Variants in BTRC observed in about 807,000 individuals in gnomAD.
The protein encoded by BTRC is beta-transducin repeat containing E3 ubiquitin protein ligase, also known as F-box/WD repeat-containing protein 1A.
In BTRC, 42 loss-of-function variants were observed where a neutral mutation model predicts 85.5. The observed-to-expected ratio is 0.49, with a 90% CI of 0.38 to 0.64. BTRC has a LOEUF of 0.64. BTRC is among the 30% of genes least tolerant of loss of function. The probability of loss-of-function intolerance (pLI) is 0.00; values close to 1 mark genes in which losing one functional copy is unlikely to be tolerated. For missense variants in BTRC, 594 were observed against 743.5 expected, an observed-to-expected ratio of 0.80 and a Z score of 2.34; for synonymous variants, 255 against 263.3, an observed-to-expected ratio of 0.97 and a Z score of 0.30.
In BTRC at chr10:101,354,204, G is replaced by GCAAGAGAAGGCACT; in HGVS notation, c.29_42dup (p.Phe15ArgfsTer60). Reference sequence around the variant, plus strand: ...TTATGGACCCGGCCGAGGCGGTGCTGCAAGAGAAGGCACTCAAGTTTATGG... The same window carrying GCAAGAGAAGGCACT: ...TTATGGACCCGGCCGAGGCGGTGCTGCAAGAGAAGGCACTCAAGAGAAGGCACTCAAGTTTATGG... On this transcript the variant is annotated frameshift_variant, in exon 1 of 15. Coordinates refer to ENST00000370187, the MANE Select transcript of BTRC (RefSeq NM_033637.4). LOFTEE classifies it high-confidence loss of function. 6.5e-7 allele frequency: 1 copy of GCAAGAGAAGGCACT among 1,549,258 alleles called. No individual in the cohort carries two copies. The highest frequency in any genetic ancestry group is 8.7e-7 in the Non-Finnish European group (1 of 1,146,692).
At chr10:101,511,508 C>T (rs921964487) in intron 4 of BTRC, among the ~76,000 whole-genome samples, 5 of 151,932 alleles carry the variant, frequency 3.3e-5, no homozygotes, top group Admixed American at 2.6e-4. Context: ...ACCACATGTG[C>T]GCACCACCAT....
chr10:101,379,323 C>T (rs148252455), intron 1 of BTRC, among the ~76,000 whole-genome samples: 34 of 152,284 alleles, frequency 2.2e-4, no homozygotes, highest in African/African-American at 7.9e-4. Flanking sequence ...TATATGTGGT[C>T]ATGTTACAAA....
At position 101,535,476 on chromosome 10, in the gene BTRC, A is replaced by T. The variant is rs757612458; in HGVS notation, c.1466+4A>T. On this transcript the variant is annotated splice_donor_region_variant and intron_variant, in intron 11 of 14. Transcript: ENST00000370187. ...GCTCATCTGACAACACTATCAGGTGAGCAGCAAGTGCCTTGTATCATAAGG... is the reference window on the plus strand; with the variant it reads ...GCTCATCTGACAACACTATCAGGTGTGCAGCAAGTGCCTTGTATCATAAGG... 3 of 1,593,540 alleles carry T rather than the reference A, an allele frequency of 1.9e-6. No individual in the cohort carries two copies. The highest frequency in any genetic ancestry group is 1.7e-6 in the Non-Finnish European group (2 of 1,162,384).
chr10:101,396,829 G>GTTTTTATTTTT, intron 1 of BTRC, among the ~76,000 whole-genome samples: 1 of 148,816 alleles, frequency 6.7e-6, no homozygotes. Flanking sequence ...TTGAGACAGA[G>GTTTTTATTTTT]TCTCACTCTG....
intron 1 of BTRC, among the ~76,000 whole-genome samples, chr10:101,429,799 A>G (rs1944354307): frequency 6.6e-6 from 1 of 151,222 alleles, no homozygotes; most frequent in Non-Finnish European, 1.5e-5. Flanking sequence ...TACATAAAAC[A>G]TACGCAAACT....
intron 1 of BTRC, among the ~76,000 whole-genome samples, chr10:101,419,636 C>G (rs1944043665): frequency 6.6e-6 from 1 of 152,116 alleles, no homozygotes; most frequent in Non-Finnish European, 1.5e-5. Context: ...AGTCTGTTAG[C>G]AAGATGGAAG....
intron 3 of BTRC, among the ~76,000 whole-genome samples, chr10:101,470,585 C>T (rs1346561164): frequency 6.6e-6 from 1 of 152,146 alleles, no homozygotes; most frequent in African/African-American, 2.4e-5. Context: ...CCGCCTCAGC[C>T]TCCCAAAGTG....
intron 3 of BTRC, among the ~76,000 whole-genome samples, chr10:101,462,357 A>G (rs747569292): frequency 6.6e-6 from 1 of 152,192 alleles, no homozygotes; most frequent in African/African-American, 2.4e-5. Flanking sequence ...TGCTTTTTCT[A>G]GAAGAAAAGG....
At chr10:101,397,055 C>T (rs1415452674) in intron 1 of BTRC, among the ~76,000 whole-genome samples, 1 of 152,142 alleles carries the variant, frequency 6.6e-6, no homozygotes, top group Non-Finnish European at 1.5e-5. Context: ...CCACTCGCCT[C>T]GGCCTCCCAA....
At chr10:101,428,592 G>A (rs1006640756) in intron 1 of BTRC, among the ~76,000 whole-genome samples, 1 of 152,088 alleles carries the variant, frequency 6.6e-6, no homozygotes, top group African/African-American at 2.4e-5. Flanking sequence ...ATGGAGGCAG[G>A]AGGAAGAATT....
intron 1 of BTRC, among the ~76,000 whole-genome samples, chr10:101,369,391 C>T (rs763077864): frequency 6.6e-6 from 1 of 151,980 alleles, no homozygotes; most frequent in African/African-American, 2.4e-5. Flanking sequence ...TGCCAGGACT[C>T]CTTATTTATT....
In BTRC at chr10:101,389,115, GTGTGTTTTTTTTTTT is replaced by G. The variant is rs1413465660; in HGVS notation, c.48+34889_48+34903del. ...ATGTTGCATAATTGTGATTTTTTGTGTGTGTTTTTTTTTTTTTTTTTTTTTTTTTTTTTGCTGATC... is the reference window on the plus strand; with the variant it reads ...ATGTTGCATAATTGTGATTTTTTGTGTTTTTTTTTTTTTTTTTTGCTGATC... On this transcript the variant is annotated intron_variant, in intron 1 of 14. Transcript: ENST00000370187. Among the ~76,000 whole-genome samples, 280 of 35,470 alleles carry G rather than the reference GTGTGTTTTTTTTTTT, an allele frequency of 7.9e-3. 2 individuals are homozygous for G. Among genetic ancestry groups the G allele is most frequent in the African/African-American group, 0.031 (229 of 7,322 alleles). The allele number at this position is 35,470 out of a possible 152,430, so 23.3% of individuals were successfully genotyped here. A position where few individuals can be genotyped will look rare whatever the true frequency, so the allele number is the denominator to read the frequency against.
intron 2 of BTRC, among the ~76,000 whole-genome samples, chr10:101,453,094 A>G (rs962621404): frequency 6.6e-6 from 1 of 152,182 alleles, no homozygotes; most frequent in Non-Finnish European, 1.5e-5. Context: ...TAAAATAATA[A>G]TTTCTGTTTT....
At chr10:101,414,381 C>G (rs1041209522) in intron 1 of BTRC, among the ~76,000 whole-genome samples, 2 of 152,054 alleles carry the variant, frequency 1.3e-5, no homozygotes, top group Non-Finnish European at 2.9e-5. Flanking sequence ...TGTGTTGATA[C>G]TGGTGTAAAT....
chr10:101,475,002 T>C (rs1433515168), intron 3 of BTRC, among the ~76,000 whole-genome samples: 1 of 152,248 alleles, frequency 6.6e-6, no homozygotes, highest in Non-Finnish European at 1.5e-5. Flanking sequence ...TAAATTTATC[T>C]TTAAAACATA....
intron 2 of BTRC, among the ~76,000 whole-genome samples, chr10:101,459,567 G>T (rs1945168416): frequency 6.6e-6 from 1 of 152,174 alleles, no homozygotes; most frequent in African/African-American, 2.4e-5. Context: ...TGTATTAAAA[G>T]AACATACCAA....
chr10:101,384,335 T>A (rs1205430968), intron 1 of BTRC, among the ~76,000 whole-genome samples: 1 of 152,224 alleles, frequency 6.6e-6, no homozygotes, highest in East Asian at 1.9e-4. Context: ...CCAGGCTAAA[T>A]CACAGCCTTG....
chr10:101,374,233 TGAC>T (rs1175192926), intron 1 of BTRC, among the ~76,000 whole-genome samples: 2 of 152,112 alleles, frequency 1.3e-5, no homozygotes, highest in Admixed American at 1.3e-4. Context: ...TGTTGTTTCC[TGAC>T]TTTTTAATGA....
chr10:101,430,230 AT>A lies in BTRC; in HGVS notation c.49-114del, dbSNP rs1310281993. 1.9e-5 allele frequency: 11 copies of A among 572,828 alleles called. No homozygotes were observed. In the Admixed American group the frequency reaches 4.0e-4, roughly 21 times the overall value. 35.5% of individuals were successfully genotyped at this position (572,828 alleles called of 1,614,324 possible). ...TAGTGTGTTTCTTAAAGATGTTTCT[AT>A]CATAAAGGTCAGCTGCAACTGGAAT... On this transcript the variant is annotated intron_variant, in intron 1 of 14. Coordinates refer to ENST00000370187, the MANE Select transcript of BTRC (RefSeq NM_033637.4).
Sources: allele counts gnomAD v4.1 joint callset (sites outside exome capture counted in the v4.1 genomes callset), GRCh38; gene constraint gnomAD v4.1.1; transcripts MANE v1.5; gene names NCBI Gene and HGNC (gene_info 2026-07-23, HGNC 2026-07-21).